The following NAXE variants were observed in gnomAD, a reference collection of about 807,000 sequenced individuals.
The protein encoded by NAXE is NAD(P)HX epimerase.
A neutral mutation model predicts 31.2 loss-of-function variants in NAXE; 25 were observed. The observed-to-expected ratio is 0.80, with a 90% confidence interval of 0.58 to 1.12. The LOEUF is 1.12. Ranked by LOEUF, NAXE falls within the 50% of genes most tolerant of loss-of-function variation. The pLI is 0.00. For missense variants in NAXE, 362 were observed against 376.1 expected, an observed-to-expected ratio of 0.96 and a Z score of 0.31; for synonymous variants, 144 against 154.5, an observed-to-expected ratio of 0.93 and a Z score of 0.50.
Position 156,594,020 on chromosome 1 carries a change from AG to A in NAXE, c.804del (p.Lys269ArgfsTer5). 5 of 1,614,070 alleles carry A rather than the reference AG, an allele frequency of 3.1e-6. No homozygotes were observed. The South Asian group carries it at 3.3e-5, about 11-fold the overall frequency. On this transcript the variant is annotated frameshift_variant, in exon 6 of 6. Coordinates refer to ENST00000368235, the MANE Select transcript of NAXE (RefSeq NM_144772.3). LOFTEE classifies it high-confidence loss of function. ...LGGRFVPPAL[E>X]KKYQLNLPPY... Reference sequence around the variant, plus strand: ...GGTCGTTTTGTGCCACCTGCTCTGGAGAAGAAGTACCAGCTGAACCTGCCAC... The same window carrying A: ...GGTCGTTTTGTGCCACCTGCTCTGGAAAGAAGTACCAGCTGAACCTGCCAC...
At chr1:156,593,774 C>T in intron 5 of NAXE, 108 bp from the exon 6 acceptor site, 1 of 1,386,906 alleles carries the variant, frequency 7.2e-7, no homozygotes, top group South Asian at 1.3e-5. Context: ...ACGAGAGTTC[C>T]TCAGGTGGGA....
chr1:156,592,378 C>T lies in NAXE; in HGVS notation c.305C>T (p.Thr102Met). The change falls in exon 3 of 6, where the codon ACG becomes ATG. Residue 102 changes from threonine to methionine, a missense_variant. Physicochemically the swap from Thr to Met is moderately conservative, Grantham distance 81 (BLOSUM62 -1). Coordinates refer to ENST00000368235, the MANE Select transcript of NAXE (RefSeq NM_144772.3). ...CTCTGCCTTCAGGCATATCCCCCCA[C>T]GTCCATGTCCAGGAGCCCCCCTACT... ...ATAIAKAYPP[T>M]SMSRSPPTVL... The T allele has an allele frequency of 6.2e-7, 1 of 1,614,164 alleles. No individual in the cohort carries two copies. The highest frequency in any genetic ancestry group is 8.5e-7 in the Non-Finnish European group (1 of 1,180,020).
chr1:156,591,780 C>CGGGCCGGGCT lies in NAXE; in HGVS notation c.-22_-21insCCGGGCTGGG, dbSNP rs1489225877. 6.7e-7 allele frequency: 1 copy of CGGGCCGGGCT among 1,486,442 alleles called. No individual in the cohort carries two copies. The highest frequency in any genetic ancestry group is 1.5e-5 in the African/African-American group (1 of 68,532). The allele number at this position is 1,486,442 out of a possible 1,614,324, so 92.1% of individuals were successfully genotyped here. A position where few individuals can be genotyped will look rare whatever the true frequency, so the allele number is the denominator to read the frequency against. ...CACATGCGCCGGGGCCGGGCCGGGC[C>CGGGCCGGGCT]GGGGGCGCGCGCTCTGCGAGCTGGA... On this transcript the variant is annotated 5_prime_UTR_variant, in exon 1 of 6. Coordinates refer to ENST00000368235, the MANE Select transcript of NAXE (RefSeq NM_144772.3).
At position 156,593,862 on chromosome 1, in the gene NAXE, G is replaced by T. The variant is rs759048689; in HGVS notation, c.665-20G>T. The T allele has an allele frequency of 6.2e-7, 1 of 1,612,818 alleles. No individual in the cohort carries two copies. Among genetic ancestry groups the T allele is most frequent in the Non-Finnish European group, 8.5e-7 (1 of 1,179,250 alleles). ...GGGACGAGACATCTGGCCTCTTCCT[G>T]AACACCACCCTCTTTTCAGGATGGG... On this transcript the variant is annotated intron_variant, in intron 5 of 5. Transcript: ENST00000368235.
Position 156,593,418 on chromosome 1 carries a change from TTGA to T in NAXE, c.531_533del (p.Asp177del), listed in dbSNP as rs1212462120. The T allele has an allele frequency of 6.2e-7, 1 of 1,613,944 alleles. No individual in the cohort carries two copies. The highest frequency in any genetic ancestry group is 2.2e-5 in the East Asian group (1 of 44,882). ...CCTGCTCCACCACAGCCCATGACGATTGATGAACTGTATGAGCTGGTGGTGGAT... is the reference window on the plus strand; with the variant it reads ...CCTGCTCCACCACAGCCCATGACGATTGAACTGTATGAGCTGGTGGTGGAT... On this transcript the variant is annotated inframe_deletion, in exon 5 of 6. Coordinates refer to ENST00000368235, the MANE Select transcript of NAXE (RefSeq NM_144772.3).
chr1:156,593,069 A>G lies in NAXE; in HGVS notation c.517-339A>G, dbSNP rs147426135. ...CTTAACCCATTTTACAGATGAAGAT[A>G]CTGAGGTGCAGAGAAGTGGTTTGCT... On this transcript the variant is annotated intron_variant, in intron 4 of 5. Coordinates refer to ENST00000368235, the MANE Select transcript of NAXE (RefSeq NM_144772.3). The G allele has an allele frequency of 5.4e-3, 2,178 of 406,394 alleles. 45 individuals are homozygous for G. Among genetic ancestry groups the G allele is most frequent in the African/African-American group, 0.041 (2,014 of 49,128 alleles). The allele number at this position is 406,394 out of a possible 1,614,324, so 25.2% of individuals were successfully genotyped here.
chr1:156,593,735 A>G, intron 5 of NAXE, 147 bp from the exon 6 acceptor site: 1 of 1,315,384 alleles, frequency 7.6e-7, no homozygotes, highest in South Asian at 1.4e-5. Flanking sequence ...TGAAGAGACC[A>G]CGGCCCAAGG....
chr1:156,592,960 C>G (rs991290916), intron 4 of NAXE: 2 of 456,538 alleles, frequency 4.4e-6, no homozygotes, highest in East Asian at 3.9e-5. Flanking sequence ...TGATCTACCC[C>G]TCAGGGGCCG....
chr1:156,592,827 CAT>C (rs1220606066), intron 4 of NAXE, 157 bp downstream of exon 4: 2 of 658,412 alleles, frequency 3.0e-6, no homozygotes, highest in Non-Finnish European at 5.2e-6. Context: ...TCTCCTCCTT[CAT>C]AAAGTGTGCT....
Position 156,592,474 on chromosome 1 carries a change from TTG to T in NAXE, c.402+2_402+3del, listed in dbSNP as rs761723665. The T allele has an allele frequency of 6.2e-7, 1 of 1,613,938 alleles. No individual in the cohort carries two copies. Among genetic ancestry groups the T allele is most frequent in the South Asian group, 1.1e-5 (1 of 91,072 alleles). Reference sequence around the variant, plus strand: ...GTCTGTGCTCGACACCTCAAACTCTTTGTGAGTATGTGGGGAGGGGCTGTGGG... The same window carrying T: ...GTCTGTGCTCGACACCTCAAACTCTTTGAGTATGTGGGGAGGGGCTGTGGG... On this transcript the variant is annotated splice_donor_variant and coding_sequence_variant, in exon 3 of 6. Transcript: ENST00000368235. LOFTEE classifies it high-confidence loss of function.
Position 156,592,161 on chromosome 1 carries a change from C to T in NAXE, c.243C>T (p.Asp81=). 1 of 1,614,218 alleles carries T rather than the reference C, an allele frequency of 6.2e-7. No individual in the cohort carries two copies. Among genetic ancestry groups the T allele is most frequent in the Middle Eastern group, 1.7e-4 (1 of 6,060 alleles). The part of the protein sequence containing the change: ...ELFNEYQFSV[D]QLMELAGLSC... ...TTAACGAATACCAGTTCAGCGTGGA[C>T]CAACTTATGGAACTGGCCGGGCTGA... Residue 81 remains aspartate, a synonymous_variant, in exon 2 of 6, where the codon GAC becomes GAT. Transcript: ENST00000368235.
chr1:156,592,286 G>A, intron 2 of NAXE, 77 bp downstream of exon 2: 4 of 1,604,720 alleles, frequency 2.5e-6, no homozygotes, highest in Non-Finnish European at 3.4e-6. Context: ...TAGGCACAAA[G>A]GGGTGGGAGA....
Position 156,591,808 on chromosome 1 carries a change from T to C in NAXE, c.4T>C (p.Ser2Pro). The C allele has an allele frequency of 1.3e-6, 2 of 1,591,686 alleles. No individual in the cohort carries two copies. Among genetic ancestry groups the C allele is most frequent in the Middle Eastern group, 2.0e-4 (1 of 5,010 alleles). Residue 2 changes from serine to proline, a missense_variant, in exon 1 of 6, where the codon TCC becomes CCC. Transcript: ENST00000368235. ...GGGCGCGCGCTCTGCGAGCTGGATG[T>C]CCAGGCTGCGGGCGCTGCTGGGCCT... Reference protein sequence around the residue: MSRLRALLGLGL... With the variant: MPRLRALLGLGL...
intron 5 of NAXE, 105 bp downstream of exon 5, chr1:156,593,660 G>A: frequency 6.7e-7 from 1 of 1,501,722 alleles, no homozygotes; most frequent in Non-Finnish European, 9.1e-7. Flanking sequence ...GCAGAACACA[G>A]CTTTCTGGAC....
intron 3 of NAXE, 39 bp downstream of exon 3, chr1:156,592,514 G>C: frequency 6.2e-7 from 1 of 1,613,512 alleles, no homozygotes; most frequent in Non-Finnish European, 8.5e-7. Context: ...AGGAGGGCGT[G>C]AGGGCTCTGG....
In NAXE at chr1:156,594,174, A is replaced by G; in HGVS notation, c.*90A>G. On this transcript the variant is annotated 3_prime_UTR_variant, in exon 6 of 6. Coordinates refer to ENST00000368235, the MANE Select transcript of NAXE (RefSeq NM_144772.3). ...TCCTGGGAGCTCCTCTGGCAATAAA[A>G]GTCAGTGAATGGTGGAAGTCAGAGA... 3 of 1,408,774 alleles carry G rather than the reference A, an allele frequency of 2.1e-6. No homozygotes were observed. The allele number at this position is 1,408,774 out of a possible 1,614,324, so 87.3% of individuals were successfully genotyped here.
rs778484918 is a variant in NAXE at position 156,591,831 on chromosome 1, C to T, written c.27C>T (p.Gly9=). 1.9e-6 allele frequency: 3 copies of T among 1,607,238 alleles called. No homozygotes were observed. The highest frequency in any genetic ancestry group is 2.2e-5 in the East Asian group (1 of 44,782). ...TGTCCAGGCTGCGGGCGCTGCTGGG[C>T]CTCGGGCTGCTGGTTGCGGGCTCGC... MSRLRALL[G]LGLLVAGSRV... is the part of the protein sequence containing the mutation. Residue 9 remains glycine (G), a synonymous_variant, in exon 1 of 6, where the codon GGC becomes GGT. Coordinates refer to ENST00000368235, the MANE Select transcript of NAXE (RefSeq NM_144772.3).
At position 156,592,314 on chromosome 1, in the gene NAXE, G is replaced by A. The variant is rs554563439; in HGVS notation, c.292-51G>A. 1.4e-5 allele frequency: 23 copies of A among 1,604,004 alleles called. No homozygotes were observed. In the South Asian group the frequency reaches 1.7e-4, roughly 12 times the overall value. ...GTGGGAGAGACAGCTGGGCCAATAT[G>A]GTCTATTACCGCCTGAAACCCCGCC... is the stretch of plus-strand genomic sequence containing the variant. On this transcript the variant is annotated intron_variant, in intron 2 of 5. Coordinates refer to ENST00000368235, the MANE Select transcript of NAXE (RefSeq NM_144772.3).
rs376629794 is a variant in NAXE at position 156,592,095 on chromosome 1, C to G, written c.183-6C>G. 176 of 1,614,094 alleles carry G rather than the reference C, an allele frequency of 1.1e-4. No individual in the cohort carries two copies. Among genetic ancestry groups the G allele is most frequent in the Non-Finnish European group, 1.4e-4 (167 of 1,180,042 alleles). Reference sequence around the variant, plus strand: ...GGGCGGGACTCAGGCCGCGGGTTTTCCTCAGCCAGGAGGAGGCCCAGGCCG... The same window carrying G: ...GGGCGGGACTCAGGCCGCGGGTTTTGCTCAGCCAGGAGGAGGCCCAGGCCG... On this transcript the variant is annotated splice_region_variant and splice_polypyrimidine_tract_variant and intron_variant, in intron 1 of 5. Transcript: ENST00000368235.
Sources: allele counts gnomAD v4.1 joint callset, GRCh38; gene constraint gnomAD v4.1.1; transcripts MANE v1.5; gene names NCBI Gene and HGNC (gene_info 2026-07-23, HGNC 2026-07-21).